Variants in ADAMTSL1 observed in about 807,000 individuals in gnomAD.
ADAMTSL1 encodes ADAMTS-like protein 1.
A neutral mutation model predicts 201.8 loss-of-function variants in ADAMTSL1; 126 were observed. That is an observed-to-expected ratio of 0.62 (90% CI 0.54 to 0.72). The LOEUF is 0.72. Ranked by LOEUF, ADAMTSL1 falls within the 30% of genes least tolerant of loss-of-function variation. The pLI is 0.00. For missense variants in ADAMTSL1, 2,679 were observed against 2,277.8 expected, an observed-to-expected ratio of 1.18 and a Z score of -3.59; for synonymous variants, 1,121 against 903.4, an observed-to-expected ratio of 1.24 and a Z score of -4.32.
intron 23 of ADAMTSL1, among the ~76,000 whole-genome samples, chr9:18,846,777 G>T (rs1226974918): frequency 6.6e-6 from 1 of 152,130 alleles, no homozygotes; most frequent in East Asian, 1.9e-4. Context: ...AGAAGTAGAT[G>T]AATTCAGGGA....
At chr9:18,806,269 CAG>C (rs1239971151) in intron 20 of ADAMTSL1, among the ~76,000 whole-genome samples, 1 of 152,178 alleles carries the variant, frequency 6.6e-6, no homozygotes, top group Non-Finnish European at 1.5e-5. Context: ...AATTGCACAA[CAG>C]AGTTTTTGTA....
intron 1 of ADAMTSL1, among the ~76,000 whole-genome samples, chr9:17,986,128 A>T (rs1177623274): frequency 2.0e-5 from 3 of 152,116 alleles, no homozygotes; most frequent in African/African-American, 7.2e-5. Context: ...TTGTCCTTGG[A>T]TATTGCTTGG....
intron 14 of ADAMTSL1, among the ~76,000 whole-genome samples, chr9:18,714,808 T>G (rs1564174871): frequency 6.6e-6 from 1 of 151,808 alleles, no homozygotes; most frequent in Non-Finnish European, 1.5e-5. Context: ...GAGAGAATTT[T>G]AGACCAATAT....
At chr9:18,885,215 C>T (rs1251556508) in intron 23 of ADAMTSL1, among the ~76,000 whole-genome samples, 1 of 152,168 alleles carries the variant, frequency 6.6e-6, no homozygotes, top group East Asian at 1.9e-4. Context: ...GGGAGGAAAG[C>T]TTTGTCTTCA....
intron 2 of ADAMTSL1, among the ~76,000 whole-genome samples, chr9:18,230,078 C>T (rs376763680): frequency 1.8e-4 from 27 of 152,064 alleles, no homozygotes; most frequent in African/African-American, 5.8e-4. Context: ...AAAGAATTTC[C>T]CACCCTCAAA....
intron 13 of ADAMTSL1, among the ~76,000 whole-genome samples, chr9:18,687,358 G>A (rs1830900847): frequency 6.6e-6 from 1 of 152,078 alleles, no homozygotes; most frequent in Non-Finnish European, 1.5e-5. Context: ...ACTCTCTGAA[G>A]CATATTGAAA....
At chr9:18,759,613 T>C (rs778680230) in intron 16 of ADAMTSL1, among the ~76,000 whole-genome samples, 2 of 152,202 alleles carry the variant, frequency 1.3e-5, no homozygotes, top group Non-Finnish European at 2.9e-5. Flanking sequence ...CTTGATCCTA[T>C]CTTTTGAGGC....
chr9:18,730,769 C>T (rs1353942643), intron 15 of ADAMTSL1, among the ~76,000 whole-genome samples: 2 of 152,194 alleles, frequency 1.3e-5, no homozygotes, highest in Non-Finnish European at 1.5e-5. Flanking sequence ...GAGGCCTAGA[C>T]ACGCACAGAC....
chr9:18,582,893 T>A (rs987919914), intron 4 of ADAMTSL1, among the ~76,000 whole-genome samples: 5 of 149,602 alleles, frequency 3.3e-5, no homozygotes, highest in African/African-American at 7.5e-5. Context: ...AAAATAAAAA[T>A]AAAATAAAAT....
intron 20 of ADAMTSL1, among the ~76,000 whole-genome samples, chr9:18,802,480 T>C (rs1164098306): frequency 1.3e-5 from 2 of 152,224 alleles, no homozygotes; most frequent in Non-Finnish European, 2.9e-5. Context: ...CAGTATATGG[T>C]TCTTTATTTC....
At position 18,775,772 on chromosome 9, in the gene ADAMTSL1, G is replaced by A. The variant is rs763434329; in HGVS notation, c.2427G>A (p.Gln809=). Residue 809 remains glutamine, a synonymous_variant, in exon 18 of 29, where the codon CAG becomes CAA. Transcript: ENST00000380548. ...ECSTSCGEGT[Q]TRSAICRKML... is the part of the protein sequence containing the mutation. ...CCACAAGCTGCGGGGAAGGCACCCA[G>A]ACTCGAAGCGCCATTTGCCGAAAGA... The A allele has an allele frequency of 2.5e-6, 4 of 1,612,902 alleles. No homozygotes were observed. The Admixed American group carries it at 5.0e-5, about 20-fold the overall frequency.
At chr9:18,372,792 A>T (rs923808586) in intron 2 of ADAMTSL1, among the ~76,000 whole-genome samples, 47 of 152,210 alleles carry the variant, frequency 3.1e-4, no homozygotes, top group Non-Finnish European at 2.9e-4. Flanking sequence ...TGCTTTCTGT[A>T]TACCTAACCA....
chr9:18,832,508 T>G (rs1825051725), intron 23 of ADAMTSL1, among the ~76,000 whole-genome samples: 1 of 152,202 alleles, frequency 6.6e-6, no homozygotes, highest in African/African-American at 2.4e-5. Context: ...ATGAGAAGAA[T>G]TAATCTGGTA....
At chr9:18,132,318 T>A (rs1825986198) in intron 1 of ADAMTSL1, among the ~76,000 whole-genome samples, 1 of 152,136 alleles carries the variant, frequency 6.6e-6, no homozygotes, top group Non-Finnish European at 1.5e-5. Flanking sequence ...TTTTTTCCCG[T>A]CTACCTTTTG....
intron 26 of ADAMTSL1, among the ~76,000 whole-genome samples, chr9:18,905,254 C>T (rs1224827968): frequency 1.3e-5 from 2 of 152,164 alleles, no homozygotes; most frequent in South Asian, 2.1e-4. Flanking sequence ...TCCATGAGCA[C>T]ATAGCAAGAG....
intron 5 of ADAMTSL1, among the ~76,000 whole-genome samples, chr9:18,625,377 TAGG>T (rs1040740781): frequency 2.0e-5 from 3 of 151,532 alleles, no homozygotes; most frequent in African/African-American, 7.3e-5. Context: ...TAAAGAGAAG[TAGG>T]AGAAGTTTAT....
chr9:18,816,804 A>T (rs1252675119), intron 20 of ADAMTSL1, among the ~76,000 whole-genome samples: 1 of 141,974 alleles, frequency 7.0e-6, no homozygotes, highest in Non-Finnish European at 1.5e-5. Flanking sequence ...TACAAATAAT[A>T]GTTGTGCATA....
At chr9:18,851,601 C>G (rs914443214) in intron 23 of ADAMTSL1, among the ~76,000 whole-genome samples, 23 of 152,156 alleles carry the variant, frequency 1.5e-4, no homozygotes, top group African/African-American at 5.3e-4. Flanking sequence ...TTAAGAGATC[C>G]AAGTGCTCTG....
intron 1 of ADAMTSL1, among the ~76,000 whole-genome samples, chr9:18,105,423 A>G (rs1227384071): frequency 6.6e-6 from 1 of 152,186 alleles, no homozygotes; most frequent in Non-Finnish European, 1.5e-5. Context: ...ACAGTCTTTC[A>G]TGCTATGCAT....
Sources: gnomAD v4.1 joint callset for allele counts (sites outside exome capture counted in the v4.1 genomes callset) on GRCh38, gnomAD v4.1.1 for gene constraint, MANE v1.5 for transcripts, NCBI Gene and HGNC (gene_info 2026-07-23, HGNC 2026-07-21) for gene names.